GBF1: variants seen among roughly 807,000 people sequenced by gnomAD.
GBF1 encodes golgi brefeldin A resistant guanine nucleotide exchange factor 1, also known as Golgi-specific brefeldin A-resistance guanine nucleotide exchange factor 1.
In GBF1, 114 loss-of-function variants were observed where a neutral mutation model predicts 210.5. The ratio of observed to expected loss-of-function variants is 0.54; its 90% CI spans 0.47 to 0.63. The LOEUF (loss-of-function observed/expected upper bound fraction) is 0.63, where lower values mean the gene tolerates loss of function less well. Among genes scored for constraint, GBF1 ranks in the 30% least tolerant of loss-of-function variants. GBF1 has a pLI of 0.00. For missense variants in GBF1, 1,851 were observed against 2,357.7 expected (o/e 0.79, Z 4.45); for synonymous variants, 850 against 889.2 (o/e 0.96, Z 0.78).
In GBF1 at chr10:102,376,641, A is replaced by T. The variant is rs1565184058; in HGVS notation, c.4129A>T (p.Thr1377Ser). ...PSPLINQYSL[T>S]VGLDLGPHDT... ...ACCCCTGATCAATCAATACAGCCTA[A>T]CAGTGGGACTGGATTTGGGGCCACA... The change falls in exon 32 of 40, where the codon ACA (threonine) becomes TCA (serine). Residue 1377 changes from threonine (T) to serine (S), a missense_variant. Physicochemically the swap from Thr to Ser is moderately conservative, Grantham distance 58. Transcript: ENST00000369983. 3.1e-6 allele frequency: 5 copies of T among 1,614,036 alleles called. No individual in the cohort carries two copies. The East Asian group carries it at 1.1e-4, about 36-fold the overall frequency.
At chr10:102,238,201 A>G in the GBF1 span, among the ~76,000 whole-genome samples, 15 of 152,254 alleles carry the variant, frequency 9.9e-5, no homozygotes, top group South Asian at 2.9e-3. Context: ...GGCAGTGGCC[A>G]TGGACACCCT....
At chr10:102,233,306 T>TC in the GBF1 span, among the ~76,000 whole-genome samples, 1 of 138,032 alleles carries the variant, frequency 7.2e-6, no homozygotes. Flanking sequence ...TTTTCCTTCT[T>TC]TTTTTTTTTT....
intron 3 of GBF1, among the ~76,000 whole-genome samples, chr10:102,339,406 C>T (rs1044868695): frequency 2.0e-5 from 3 of 150,286 alleles, no homozygotes; most frequent in African/African-American, 7.4e-5. Flanking sequence ...GTGGCTTATG[C>T]CTGTAATGCC....
At chr10:102,230,843 T>A in the GBF1 span, 2 of 1,589,620 alleles carry the variant, frequency 1.3e-6, no homozygotes, top group Non-Finnish European at 1.7e-6. Context: ...GAGGCGGCGA[T>A]GGAGCTGGGT....
intron 3 of GBF1, among the ~76,000 whole-genome samples, chr10:102,280,122 T>TAA (rs199748528): frequency 7.0e-6 from 1 of 142,078 alleles, no homozygotes; most frequent in African/African-American, 2.6e-5. Flanking sequence ...GTCCCTGTCT[T>TAA]AAAAAAAAAG....
rs2060764108 is a variant in GBF1, at chr10:102,380,271, C to T, written c.4901C>T (p.Pro1634Leu). 1.2e-6 allele frequency: 2 copies of T among 1,613,630 alleles called. No individual in the cohort carries two copies. Among genetic ancestry groups the T allele is most frequent in the Non-Finnish European group, 1.7e-6 (2 of 1,179,542 alleles). ...TAGGTCTTCCTGCAGCACCTGTCTC[C>T]ACTGCTGTCACTCTCTACCTTTGCG... ...LSKVFLQHLS[P>L]LLSLSTFAAL... The change falls in exon 37 of 40, where the codon CCA becomes CTA. Residue 1634 changes from proline to leucine, a missense_variant. Physicochemically the swap from Pro to Leu is moderately conservative, Grantham distance 98. Transcript: ENST00000369983.
intron 29 of GBF1, 136 bp downstream of exon 29, chr10:102,370,996 G>T: frequency 2.4e-6 from 2 of 842,072 alleles, no homozygotes; most frequent in Non-Finnish European, 3.7e-6. Context: ...CCACAGGGCT[G>T]GTGCAGTCTA....
intron 3 of GBF1, among the ~76,000 whole-genome samples, chr10:102,300,781 C>G (rs923675000): frequency 6.6e-5 from 10 of 152,120 alleles, no homozygotes; most frequent in African/African-American, 2.4e-4. Flanking sequence ...TCTTTTATAG[C>G]TTGTTGTACA....
At chr10:102,266,469 A>G (rs540958789) in intron 3 of GBF1, among the ~76,000 whole-genome samples, 12 of 152,192 alleles carry the variant, frequency 7.9e-5, no homozygotes, top group Admixed American at 1.3e-4. Context: ...AATCAGTCAG[A>G]CTTCCTGCCC....
intron 1 of GBF1, among the ~76,000 whole-genome samples, chr10:102,258,108 T>G (rs984809728): frequency 2.0e-5 from 3 of 151,732 alleles, no homozygotes; most frequent in African/African-American, 7.3e-5. Flanking sequence ...GATAGTTGGA[T>G]TCATAACATA....
intron 28 of GBF1, 111 bp downstream of exon 28, chr10:102,370,589 T>C: frequency 1.5e-6 from 2 of 1,295,670 alleles, no homozygotes; most frequent in South Asian, 2.4e-5. Context: ...GGGAGAAGCT[T>C]ACTCATCATA....
chr10:102,379,417 G>C lies in GBF1; in HGVS notation c.4628G>C (p.Trp1543Ser). Residue 1543 changes from tryptophan to serine, a missense_variant, in exon 34 of 40, where the codon TGG becomes TCG. Physicochemically the swap from Trp to Ser is radical, Grantham distance 177. Transcript: ENST00000369983. ...TCTCGCACCCTCTGGGCCCACTGCT[G>C]GTGCCCTTTACTGCAGGGTAAACCA... ...ADSRTLWAHCWCPLLQGIACL... is the reference protein window; with the variant it reads ...ADSRTLWAHCSCPLLQGIACL... The C allele has an allele frequency of 6.2e-7, 1 of 1,614,102 alleles. No homozygotes were observed. Among genetic ancestry groups the C allele is most frequent in the Non-Finnish European group, 8.5e-7 (1 of 1,180,006 alleles).
At chr10:102,370,683 C>G in intron 28 of GBF1, 24 bp from the exon 29 acceptor site, 2 of 1,611,740 alleles carry the variant, frequency 1.2e-6, no homozygotes, top group Non-Finnish European at 1.7e-6. Context: ...CTGAGACTAT[C>G]TTCATTCCTT....
chr10:102,316,179 T>C (rs772024), intron 3 of GBF1, among the ~76,000 whole-genome samples: 52,048 of 149,924 alleles, frequency 0.35, 9,325 homozygotes, highest in South Asian at 0.49. Context: ...CTCTGCCTCC[T>C]GGGTTCAAGC....
At chr10:102,323,975 C>G (rs2056670744) in intron 3 of GBF1, among the ~76,000 whole-genome samples, 1 of 152,042 alleles carries the variant, frequency 6.6e-6, no homozygotes, top group African/African-American at 2.4e-5. Context: ...CCCTCTTTTC[C>G]CCAGCATAAG....
intron 17 of GBF1, among the ~76,000 whole-genome samples, chr10:102,364,648 A>C (rs2059809731): frequency 1.3e-5 from 2 of 150,848 alleles, no homozygotes; most frequent in Admixed American, 6.6e-5. Context: ...CAGGAGTTTG[A>C]GACCAGCCTG....
intron 31 of GBF1, 53 bp downstream of exon 31, chr10:102,376,485 G>T: frequency 6.2e-7 from 1 of 1,611,762 alleles, no homozygotes; most frequent in South Asian, 1.1e-5. Flanking sequence ...CCTGTGGGAA[G>T]AATTCCTGGT....
intron 1 of GBF1, among the ~76,000 whole-genome samples, chr10:102,247,898 A>G (rs761572304): frequency 1.2e-4 from 19 of 152,222 alleles, no homozygotes; most frequent in Non-Finnish European, 2.4e-4. Context: ...GTTTCAGCTC[A>G]GAGTTCTCAA....
At chr10:102,256,155 G>A (rs2072333334) in intron 1 of GBF1, among the ~76,000 whole-genome samples, 5 of 152,110 alleles carry the variant, frequency 3.3e-5, no homozygotes, top group Admixed American at 2.6e-4. Flanking sequence ...ATGTTGCCAA[G>A]GCTGGTCTCG....
Sources: gnomAD v4.1 joint callset for allele counts (sites outside exome capture counted in the v4.1 genomes callset) on GRCh38, gnomAD v4.1.1 for gene constraint, MANE v1.5 for transcripts, NCBI Gene and HGNC (gene_info 2026-07-23, HGNC 2026-07-21) for gene names.